Variants in SEC14L1 observed in about 807,000 individuals in gnomAD.
SEC14L1 encodes SEC14 like lipid binding 1, also known as SEC14-like protein 1.
A neutral mutation model predicts 85.3 loss-of-function variants in SEC14L1; 48 were observed. That is an observed-to-expected ratio of 0.56 (90% CI 0.45 to 0.72). The LOEUF is 0.72. Among genes scored for constraint, SEC14L1 ranks in the 30% least tolerant of loss-of-function variants. SEC14L1 has a pLI of 0.00. For missense variants in SEC14L1, 682 were observed against 921.4 expected, an observed-to-expected ratio of 0.74 and a Z score of 3.36; for synonymous variants, 391 against 355.5, an observed-to-expected ratio of 1.10 and a Z score of -1.12.
At chr17:77,162,614 C>G (rs929644780) in intron 3 of SEC14L1, among the ~76,000 whole-genome samples, 1 of 152,058 alleles carries the variant, frequency 6.6e-6, no homozygotes, top group Non-Finnish European at 1.5e-5. Context: ...AGGTGGATCA[C>G]CTGAGGTCGG....
chr17:77,201,821 C>T (rs916233685), intron 9 of SEC14L1, among the ~76,000 whole-genome samples: 1 of 152,140 alleles, frequency 6.6e-6, no homozygotes, highest in Non-Finnish European at 1.5e-5. Context: ...TTTTGGAGCA[C>T]ATAAAAATGT....
chr17:77,095,796 G>C (rs1298605383), intron 3 of SEC14L1, among the ~76,000 whole-genome samples: 1 of 148,352 alleles, frequency 6.7e-6, no homozygotes. Context: ...CAGCCTAGAA[G>C]ACAGAGCAAG....
intron 3 of SEC14L1, among the ~76,000 whole-genome samples, chr17:77,152,048 T>C (rs1025238014): frequency 2.0e-5 from 3 of 152,172 alleles, no homozygotes; most frequent in African/African-American, 7.2e-5. Context: ...CGATTATAGC[T>C]CACTGCAGCC....
chr17:77,090,358 T>C (rs1013183312), intron 2 of SEC14L1, among the ~76,000 whole-genome samples: 5 of 150,954 alleles, frequency 3.3e-5, no homozygotes, highest in African/African-American at 1.2e-4. Context: ...CGTAAGAACA[T>C]ATATCCCAAG....
intron 3 of SEC14L1, among the ~76,000 whole-genome samples, chr17:77,157,447 C>A (rs1208711925): frequency 1.3e-5 from 2 of 152,228 alleles, no homozygotes; most frequent in Middle Eastern, 6.8e-3. Context: ...CCTGCTCAAG[C>A]TGGAGAACCC....
chr17:77,139,748 T>C (rs904174838), upstream of SEC14L1, among the ~76,000 whole-genome samples: 2 of 152,056 alleles, frequency 1.3e-5, no homozygotes, highest in Non-Finnish European at 2.9e-5. Flanking sequence ...TCCGCCCACC[T>C]CGGCCTCCCA....
chr17:77,199,644 A>G (rs1272843104), intron 8 of SEC14L1: 1 of 152,314 alleles, frequency 6.6e-6, no homozygotes, highest in Non-Finnish European at 1.5e-5. Flanking sequence ...TGCAGTATGT[A>G]TACAGAAAAG....
Position 77,206,238 on chromosome 17 carries a change from C to T in SEC14L1, c.1179C>T (p.Thr393=). 6.2e-7 allele frequency: 1 copy of T among 1,614,016 alleles called. No individual in the cohort carries two copies. The highest frequency in any genetic ancestry group is 8.5e-7 in the Non-Finnish European group (1 of 1,179,900). The part of the protein sequence containing the change: ...KVFGRPISSW[T]CLVDLEGLNM... ...TCTGCACAACCTGCAGCTCATGGAC[C>T]TGCCTGGTGGACTTGGAAGGGCTGA... The change falls in exon 12 of 17, where the codon ACC becomes ACT. Residue 393 remains threonine (T), a synonymous_variant. Coordinates refer to ENST00000436233, the MANE Select transcript of SEC14L1 (RefSeq NM_001143998.2). This position sits in a 1 kb window ranked among gnomAD's most constrained non-coding sequence, Gnocchi z 4.3.
At chr17:77,182,247 A>T (rs1975071237) in intron 3 of SEC14L1, among the ~76,000 whole-genome samples, 1 of 152,194 alleles carries the variant, frequency 6.6e-6, no homozygotes, top group African/African-American at 2.4e-5. Flanking sequence ...TTAATTTTCA[A>T]GTTGAAATGT....
chr17:77,191,149 T>C (rs1480920974), intron 4 of SEC14L1, 32 bp from the exon 5 acceptor site: 4 of 1,601,944 alleles, frequency 2.5e-6, no homozygotes, highest in Non-Finnish European at 3.4e-6. Flanking sequence ...TTGTTATTAA[T>C]AAACCCATTT....
intron 3 of SEC14L1, among the ~76,000 whole-genome samples, chr17:77,181,880 C>T (rs1217414068): frequency 6.6e-6 from 1 of 151,270 alleles, no homozygotes; most frequent in East Asian, 1.9e-4. Context: ...CTCTGAGGGA[C>T]TTTGGTCAGT....
At chr17:77,095,585 T>C (rs989237364) in intron 3 of SEC14L1, among the ~76,000 whole-genome samples, 2 of 152,138 alleles carry the variant, frequency 1.3e-5, no homozygotes, top group Admixed American at 6.5e-5. Context: ...CCCAGCACTT[T>C]AGGAGGCCGA....
chr17:77,127,575 T>C (rs1972488420), intron 3 of SEC14L1, among the ~76,000 whole-genome samples: 1 of 151,614 alleles, frequency 6.6e-6, no homozygotes, highest in Non-Finnish European at 1.5e-5. Flanking sequence ...GTCTCGAACT[T>C]CCGACCACAG....
chr17:77,179,237 T>C (rs894060543), intron 3 of SEC14L1, among the ~76,000 whole-genome samples: 3 of 152,186 alleles, frequency 2.0e-5, no homozygotes, highest in African/African-American at 7.2e-5. Context: ...ACATAGCTGC[T>C]TTATACCATT....
At chr17:77,161,558 G>A (rs75377201) in intron 3 of SEC14L1, among the ~76,000 whole-genome samples, 3,786 of 152,156 alleles carry the variant, frequency 0.025, 76 homozygotes, top group South Asian at 0.085. Flanking sequence ...CTGCAAGGGG[G>A]AAAAAGTAAC....
Position 77,215,616 on chromosome 17 carries a change from G to T in SEC14L1, c.*1593G>T, listed in dbSNP as rs1481155776. ...GCCTGCACACTGTAGACGTCCCAGG[G>T]CCTGTGCTGTGATCACCTGCCTTTG... On this transcript the variant is annotated 3_prime_UTR_variant, in exon 17 of 17. Transcript: ENST00000436233. 5.1e-6 allele frequency: 5 copies of T among 989,372 alleles called. No homozygotes were observed. The highest frequency in any genetic ancestry group is 4.8e-6 in the Non-Finnish European group (4 of 831,756). The allele number at this position is 989,372 out of a possible 1,614,324, so 61.3% of individuals were successfully genotyped here. A position where few individuals can be genotyped will look rare whatever the true frequency, so the allele number is the denominator to read the frequency against.
intron 9 of SEC14L1, among the ~76,000 whole-genome samples, chr17:77,202,060 TG>T (rs1398742926): frequency 6.6e-6 from 1 of 152,144 alleles, no homozygotes; most frequent in Non-Finnish European, 1.5e-5. Context: ...GGCTAGGCAG[TG>T]CTGACTCTAG....
rs1319984981 is a variant in SEC14L1 at position 77,212,464 on chromosome 17, G to A, written c.1863+263G>A. 2.6e-5 allele frequency among the ~76,000 whole-genome samples: 4 copies of A among 152,258 alleles called. No individual in the cohort carries two copies. The East Asian group carries it at 7.7e-4, about 29-fold the overall frequency. On this transcript the variant is annotated intron_variant, in intron 15 of 16. Transcript: ENST00000436233. The stretch of plus-strand genomic sequence containing the variant: ...CAGGAAGGGAAGGCATCGCACGCAC[G>A]GGCCCAGCTGGGCTTCATAGGATTT...
At chr17:77,185,608 C>G (rs1464022191) in intron 3 of SEC14L1, among the ~76,000 whole-genome samples, 1 of 152,320 alleles carries the variant, frequency 6.6e-6, no homozygotes, top group Non-Finnish European at 1.5e-5. Flanking sequence ...CTATATGTCA[C>G]TTAAAAAGAT....
Sources: allele counts gnomAD v4.1 joint callset (sites outside exome capture counted in the v4.1 genomes callset), GRCh38; gene constraint gnomAD v4.1.1; non-coding constraint Gnocchi (gnomAD v3.1); transcripts MANE v1.5; gene names NCBI Gene and HGNC (gene_info 2026-07-23, HGNC 2026-07-21).